PCSK2: variants seen among roughly 807,000 people sequenced by gnomAD.
PCSK2 encodes proprotein convertase subtilisin/kexin type 2.
A neutral mutation model predicts 69.7 loss-of-function variants in PCSK2; 14 were observed. That is an observed-to-expected ratio of 0.20 (90% CI 0.13 to 0.31). The LOEUF is 0.31. PCSK2 is among the 10% of genes least tolerant of loss of function. The pLI, the probability that PCSK2 is intolerant of heterozygous loss-of-function variation, is 1.00. For missense variants in PCSK2, 544 were observed against 842.5 expected, an observed-to-expected ratio of 0.65 and a Z score of 4.39; for synonymous variants, 307 against 320.7, an observed-to-expected ratio of 0.96 and a Z score of 0.46.
intron 7 of PCSK2, among the ~76,000 whole-genome samples, chr20:17,433,445 G>GCCGCCC (rs2032408091): frequency 6.6e-6 from 1 of 152,066 alleles, no homozygotes; most frequent in African/African-American, 2.4e-5. Context: ...GCATTGATGA[G>GCCGCCC]CACCGAAGTT....
chr20:17,413,179 C>T (rs1218167648), intron 6 of PCSK2, among the ~76,000 whole-genome samples: 1 of 152,126 alleles, frequency 6.6e-6, no homozygotes, highest in Admixed American at 6.5e-5. Flanking sequence ...TCACACATAA[C>T]AATATTAACC....
At chr20:17,374,755 C>A (rs2030874409) in intron 5 of PCSK2, among the ~76,000 whole-genome samples, 1 of 152,050 alleles carries the variant, frequency 6.6e-6, no homozygotes, top group Admixed American at 6.6e-5. Flanking sequence ...CAGAGTTACC[C>A]ACAAACTCCT....
chr20:17,242,481 A>C (rs1986618278), intron 1 of PCSK2, among the ~76,000 whole-genome samples: 1 of 152,254 alleles, frequency 6.6e-6, no homozygotes, highest in African/African-American at 2.4e-5. Flanking sequence ...GGACAAGCAC[A>C]CTTATAGTTC....
intron 1 of PCSK2, among the ~76,000 whole-genome samples, chr20:17,236,282 T>C (rs1014087960): frequency 1.3e-5 from 2 of 152,142 alleles, no homozygotes; most frequent in African/African-American, 4.8e-5. Flanking sequence ...AAATATGCTA[T>C]ACAAAGGAGA....
At chr20:17,246,388 G>A (rs962791017) in intron 1 of PCSK2, among the ~76,000 whole-genome samples, 5 of 152,098 alleles carry the variant, frequency 3.3e-5, no homozygotes, top group Non-Finnish European at 7.4e-5. Flanking sequence ...AATTGACTGG[G>A]GATATTCAGT....
intron 1 of PCSK2, among the ~76,000 whole-genome samples, chr20:17,246,617 G>C (rs1359431796): frequency 6.6e-6 from 1 of 151,832 alleles, no homozygotes; most frequent in Non-Finnish European, 1.5e-5. Flanking sequence ...ATGCCTGAAT[G>C]AATGGTGCCT....
At chr20:17,279,434 A>G (rs1032281307) in intron 2 of PCSK2, among the ~76,000 whole-genome samples, 2 of 151,788 alleles carry the variant, frequency 1.3e-5, no homozygotes, top group African/African-American at 4.8e-5. Flanking sequence ...CTCTTATTTG[A>G]TTTTTTTGTT....
chr20:17,429,300 T>C, intron 6 of PCSK2, 135 bp from the exon 7 acceptor site: 1 of 682,534 alleles, frequency 1.5e-6, no homozygotes, highest in Non-Finnish European at 2.6e-6. Context: ...AGGGCTGACC[T>C]CTTCAGTGAC....
intron 2 of PCSK2, among the ~76,000 whole-genome samples, chr20:17,316,294 T>C (rs1989686884): frequency 6.6e-6 from 1 of 152,212 alleles, no homozygotes; most frequent in South Asian, 2.1e-4. Flanking sequence ...CTGATATAAG[T>C]GAAAAACACC....
chr20:17,374,857 A>C (rs1157927917), intron 5 of PCSK2, among the ~76,000 whole-genome samples: 3 of 152,202 alleles, frequency 2.0e-5, no homozygotes, highest in Non-Finnish European at 2.9e-5. Flanking sequence ...AGGGCCCTGC[A>C]GACAGAGTCT....
rs548484975 is a variant in PCSK2 at position 17,388,281 on chromosome 20, T to A, written c.543+19004T>A. On this transcript the variant is annotated intron_variant, in intron 5 of 11. Transcript: ENST00000262545. ...GCTTCAGGGTGGCAGGGAGGGGGAA[T>A]AACATGCCTAGATTTGGCATTTTTC... Among the ~76,000 whole-genome samples the A allele has an allele frequency of 1.1e-4, 17 of 152,252 alleles. No homozygotes were observed. In the East Asian group the frequency reaches 1.5e-3, roughly 14 times the overall value.
At chr20:17,244,143 A>G (rs1255371183) in intron 1 of PCSK2, among the ~76,000 whole-genome samples, 1 of 152,238 alleles carries the variant, frequency 6.6e-6, no homozygotes, top group Non-Finnish European at 1.5e-5. Context: ...AGTAATACGT[A>G]TATGTAGGAA....
chr20:17,248,768 G>A (rs1986860994), intron 1 of PCSK2, among the ~76,000 whole-genome samples: 1 of 152,202 alleles, frequency 6.6e-6, no homozygotes, highest in South Asian at 2.1e-4. Flanking sequence ...CAGTGGGGAT[G>A]TCACCCATCA....
chr20:17,371,968 G>A (rs919266680), intron 5 of PCSK2, among the ~76,000 whole-genome samples: 22 of 152,180 alleles, frequency 1.4e-4, no homozygotes, highest in African/African-American at 4.1e-4. Context: ...AAGAAAACAG[G>A]CACATTGAGT....
At chr20:17,239,941 C>T (rs949776528) in intron 1 of PCSK2, among the ~76,000 whole-genome samples, 2 of 149,498 alleles carry the variant, frequency 1.3e-5, no homozygotes, top group Non-Finnish European at 3.0e-5. Context: ...GCAACCTCCG[C>T]CTCCCGGGTT....
At chr20:17,478,292 G>A (rs1278495704) in intron 11 of PCSK2, among the ~76,000 whole-genome samples, 1 of 152,034 alleles carries the variant, frequency 6.6e-6, no homozygotes, top group Non-Finnish European at 1.5e-5. Context: ...AAGGAACTTA[G>A]CATTTACACA....
At chr20:17,250,461 C>A (rs189566886) in intron 1 of PCSK2, among the ~76,000 whole-genome samples, 117 of 152,190 alleles carry the variant, frequency 7.7e-4, no homozygotes, top group African/African-American at 2.8e-3. Context: ...TAACTTAGAT[C>A]GCTTGGGTAA....
chr20:17,298,326 G>A (rs1201171959), intron 2 of PCSK2, among the ~76,000 whole-genome samples: 2 of 152,106 alleles, frequency 1.3e-5, no homozygotes, highest in South Asian at 2.1e-4. Context: ...AAAAGGAATG[G>A]TTCTCACCAC....
At chr20:17,438,319 G>T (rs2032527173) in intron 8 of PCSK2, among the ~76,000 whole-genome samples, 1 of 152,118 alleles carries the variant, frequency 6.6e-6, no homozygotes, top group Non-Finnish European at 1.5e-5. Context: ...CTTATACATT[G>T]ATAACACTAA....
Sources: gnomAD v4.1 joint callset for allele counts (sites outside exome capture counted in the v4.1 genomes callset) on GRCh38, gnomAD v4.1.1 for gene constraint, MANE v1.5 for transcripts, NCBI Gene and HGNC (gene_info 2026-07-23, HGNC 2026-07-21) for gene names.